The following HMMR variants were observed in gnomAD, a reference collection of about 807,000 sequenced individuals.
HMMR encodes the protein hyaluronan mediated motility receptor, also known as intracellular hyaluronic acid-binding protein.
In HMMR, 108 loss-of-function variants were observed where a neutral mutation model predicts 101.0. The observed-to-expected ratio is 1.07, with a 90% CI of 0.92 to 1.25. HMMR has a LOEUF of 1.25. Ranked by LOEUF, HMMR falls within the 50% of genes most tolerant of loss-of-function variation. The pLI, the probability that HMMR is intolerant of heterozygous loss-of-function variation, is 0.00. For missense variants in HMMR, 813 were observed against 788.7 expected (o/e 1.03, Z -0.37); for synonymous variants, 296 against 276.4 (o/e 1.07, Z -0.70).
At chr5:163,473,065 G>C in intron 7 of HMMR, 114 bp from the exon 8 acceptor site, 1 of 591,836 alleles carries the variant, frequency 1.7e-6, no homozygotes, top group Non-Finnish European at 3.1e-6. Flanking sequence ...ATAGTTAAGA[G>C]TTAGGGCTCT....
At chr5:163,476,406 A>G (rs1466461131) in intron 11 of HMMR, among the ~76,000 whole-genome samples, 1 of 152,208 alleles carries the variant, frequency 6.6e-6, no homozygotes, top group Non-Finnish European at 1.5e-5. Flanking sequence ...TTGTCTATGC[A>G]CTTACATAGT....
chr5:163,481,816 G>C (rs1336298775), intron 12 of HMMR, among the ~76,000 whole-genome samples: 2 of 152,080 alleles, frequency 1.3e-5, no homozygotes, highest in East Asian at 1.9e-4. Context: ...AATTGTTTTG[G>C]AGTTGATCCT....
rs1758886727 is a variant in HMMR, at chr5:163,471,395, G to GAA, written c.583_584dup (p.Leu196SerfsTer16). 1 of 1,614,146 alleles carries GAA rather than the reference G, an allele frequency of 6.2e-7. No individual in the cohort carries two copies. The highest frequency in any genetic ancestry group is 1.3e-5 in the African/African-American group (1 of 75,050). ...TGGCTAAGCAAGAAGGCATGGAGAT[G>GAA]AAGCTGCAGGTCACCCAAAGGAGTC... On this transcript the variant is annotated frameshift_variant, in exon 7 of 18. Coordinates refer to ENST00000393915, the MANE Select transcript of HMMR (RefSeq NM_001142556.2). LOFTEE classifies it high-confidence loss of function.
chr5:163,465,718 G>C (rs1758682461), intron 3 of HMMR, among the ~76,000 whole-genome samples: 1 of 152,142 alleles, frequency 6.6e-6, no homozygotes, highest in Non-Finnish European at 1.5e-5. Context: ...CAGCACTTTG[G>C]GAGGCAAGGC....
intron 3 of HMMR, among the ~76,000 whole-genome samples, chr5:163,466,473 A>G (rs1397094783): frequency 6.6e-6 from 1 of 152,240 alleles, no homozygotes; most frequent in Admixed American, 6.5e-5. Flanking sequence ...GTGCTATTAA[A>G]GAACTAAATT....
At chr5:163,466,076 C>T (rs1254470348) in intron 3 of HMMR, among the ~76,000 whole-genome samples, 3 of 151,570 alleles carry the variant, frequency 2.0e-5, no homozygotes, top group Admixed American at 2.0e-4. Flanking sequence ...CCAGCCTGAC[C>T]CACATGGTGA....
rs990221137 is a variant in HMMR, at chr5:163,483,442, T to A, written c.1785+75T>A. ...TTGTTCCCTATTATAGTGAGGACAG[T>A]GACTCGGGTTTTCTGCAAGATCATT... On this transcript the variant is annotated intron_variant, in intron 15 of 17. Coordinates refer to ENST00000393915, the MANE Select transcript of HMMR (RefSeq NM_001142556.2). The A allele has an allele frequency of 9.3e-6, 7 of 754,568 alleles. No individual in the cohort carries two copies. The African/African-American group carries it at 1.2e-4, about 13-fold the overall frequency. 46.7% of individuals were successfully genotyped at this position (754,568 alleles called of 1,614,324 possible).
intron 12 of HMMR, 81 bp from the exon 13 acceptor site, chr5:163,482,561 T>C (rs192770590): frequency 1.6e-5 from 16 of 1,003,618 alleles, no homozygotes; most frequent in African/African-American, 4.9e-5. Flanking sequence ...CTTAGAAGTA[T>C]ATAAAGTGTA....
chr5:163,469,078 A>G (rs1758785541), intron 4 of HMMR, among the ~76,000 whole-genome samples: 1 of 152,142 alleles, frequency 6.6e-6, no homozygotes, highest in African/African-American at 2.4e-5. Context: ...AAGTGAATAA[A>G]TAGCGGCCGG....
Position 163,473,538 on chromosome 5 carries a change from GCTGC to G in HMMR, c.886_889del (p.Leu297LysfsTer18). On this transcript the variant is annotated frameshift_variant, in exon 9 of 18. Transcript: ENST00000393915. LOFTEE classifies it high-confidence loss of function. ...TAGAAGATCTAAATGTGAAATGTCA[GCTGC>G]TTGAAAAAGAAAAAGGTATTACAGT... 6.4e-7 allele frequency: 1 copy of G among 1,571,156 alleles called. No individual in the cohort carries two copies.
Position 163,467,756 on chromosome 5 carries a change from G to C in HMMR, c.273+8G>C, listed in dbSNP as rs755740711. On this transcript the variant is annotated splice_region_variant and intron_variant, in intron 4 of 17. Transcript: ENST00000393915. ...AAGATATTAGAGAAAGAGGTAAGCA[G>C]TGCTTTAAACTTAGTGAAAAGTACA... 3.5e-6 allele frequency: 5 copies of C among 1,447,740 alleles called. No individual in the cohort carries two copies. In the East Asian group the frequency reaches 6.9e-5, roughly 20 times the overall value. The allele number at this position is 1,447,740 out of a possible 1,614,324, so 89.7% of individuals were successfully genotyped here.
Position 163,487,666 on chromosome 5 carries a change from T to G in HMMR, c.1963-2724T>G, listed in dbSNP as rs568614539. Among the ~76,000 whole-genome samples the G allele has an allele frequency of 2.0e-5, 3 of 152,244 alleles. No individual in the cohort carries two copies. The South Asian group carries it at 6.2e-4, about 32-fold the overall frequency. ...TTTTCTTCTTGAGTAGTTTATGTCTTTCTATAAATGTGCCTAATTTGTTGG... is the reference window on the plus strand; with the variant it reads ...TTTTCTTCTTGAGTAGTTTATGTCTGTCTATAAATGTGCCTAATTTGTTGG... On this transcript the variant is annotated intron_variant, in intron 16 of 17. Coordinates refer to ENST00000393915, the MANE Select transcript of HMMR (RefSeq NM_001142556.2).
chr5:163,476,191 C>T (rs1759064850), intron 11 of HMMR, among the ~76,000 whole-genome samples: 1 of 151,816 alleles, frequency 6.6e-6, no homozygotes, highest in Non-Finnish European at 1.5e-5. Context: ...GTGGTGTGTG[C>T]CTGTAGTCCC....
rs542511073 is a variant in HMMR, at chr5:163,478,897, G to T, written c.1385+97G>T. The T allele has an allele frequency of 2.8e-5, 19 of 675,674 alleles. No individual in the cohort carries two copies. In the East Asian group the frequency reaches 3.9e-4, roughly 14 times the overall value. 41.9% of individuals were successfully genotyped at this position (675,674 alleles called of 1,614,324 possible). ...TGAGCAAAGCAGTCACACAAAGGATGATTCATACTAGTTTAAATTCCATAA... is the reference window on the plus strand; with the variant it reads ...TGAGCAAAGCAGTCACACAAAGGATTATTCATACTAGTTTAAATTCCATAA... On this transcript the variant is annotated intron_variant, in intron 12 of 17. Transcript: ENST00000393915.
chr5:163,491,372 A>G lies in HMMR; in HGVS notation c.*208A>G, dbSNP rs1759690656. On this transcript the variant is annotated 3_prime_UTR_variant, in exon 18 of 18. Coordinates refer to ENST00000393915, the MANE Select transcript of HMMR (RefSeq NM_001142556.2). The stretch of plus-strand genomic sequence containing the variant: ...CTCCTCCCTAATGCTCACCTTTATC[A>G]CCTCATTCTGAACCCTTTCGCTGGC... The G allele has an allele frequency of 4.6e-6, 2 of 437,804 alleles. No homozygotes were observed. The highest frequency in any genetic ancestry group is 8.0e-6 in the Non-Finnish European group (2 of 249,044). The allele number at this position is 437,804 out of a possible 1,614,324, so 27.1% of individuals were successfully genotyped here.
intron 12 of HMMR, among the ~76,000 whole-genome samples, chr5:163,481,390 G>T (rs1175536658): frequency 3.3e-5 from 5 of 151,986 alleles, no homozygotes; most frequent in Admixed American, 2.6e-4. Flanking sequence ...GCTTCAGGGG[G>T]TTTTTATCTA....
chr5:163,474,290 T>G (rs1164941402), intron 10 of HMMR, 85 bp downstream of exon 10: 1 of 970,996 alleles, frequency 1.0e-6, no homozygotes, highest in African/African-American at 1.6e-5. Context: ...ATTGTGTATA[T>G]CCTTTGATCT....
At chr5:163,478,344 T>G (rs1217473619) in intron 11 of HMMR, among the ~76,000 whole-genome samples, 1 of 152,218 alleles carries the variant, frequency 6.6e-6, no homozygotes, top group Non-Finnish European at 1.5e-5. Flanking sequence ...GAATGAAACT[T>G]TATTCAATCC....
intron 2 of HMMR, among the ~76,000 whole-genome samples, chr5:163,464,225 A>AATC (rs1758628762): frequency 6.6e-6 from 1 of 152,202 alleles, no homozygotes; most frequent in African/African-American, 2.4e-5. Flanking sequence ...ATATTAGGAA[A>AATC]ATCAGAAAGG....
Sources: gnomAD v4.1 joint callset for allele counts (sites outside exome capture counted in the v4.1 genomes callset) on GRCh38, gnomAD v4.1.1 for gene constraint, MANE v1.5 for transcripts, NCBI Gene and HGNC (gene_info 2026-07-23, HGNC 2026-07-21) for gene names.